Variants in FANCL observed in about 807,000 individuals in gnomAD.
FANCL encodes E3 ubiquitin-protein ligase FANCL.
Under a neutral mutation model 59.4 loss-of-function variants are expected in FANCL, and 69 were observed. That is an observed-to-expected ratio of 1.16 (90% confidence interval 0.96 to 1.42). FANCL has a LOEUF of 1.42. Ranked by LOEUF, FANCL falls within the 40% of genes most tolerant of loss-of-function variation. The pLI is 0.00. For missense variants in FANCL, 519 were observed against 447.2 expected (o/e 1.16, Z -1.45); for synonymous variants, 180 against 147.1 (o/e 1.22, Z -1.62).
chr2:58,226,595 C>A, intron 4 of FANCL, 133 bp downstream of exon 4: 1 of 711,616 alleles, frequency 1.4e-6, no homozygotes, highest in Non-Finnish European at 2.5e-6. Context: ...TTTATGTACA[C>A]AGTAAAAGAA....
chr2:58,240,328 TG>T (rs764374441), intron 1 of FANCL, among the ~76,000 whole-genome samples: 3 of 152,142 alleles, frequency 2.0e-5, no homozygotes, highest in Non-Finnish European at 4.4e-5. Flanking sequence ...CTATGCGTGA[TG>T]GTGGGGAAGT....
Position 58,159,369 on chromosome 2 carries a change from G to A in FANCL, c.*396C>T. The A allele has an allele frequency of 1.2e-6, 2 of 1,608,204 alleles. No individual in the cohort carries two copies. Among genetic ancestry groups the A allele is most frequent in the African/African-American group, 1.3e-5 (1 of 74,456 alleles). Reference sequence around the variant, plus strand: ...CATAGGAAAGCACAAGGAGAAGACAGAAATATCAAGAGTCTCAAGAACCTT... The same window carrying A: ...CATAGGAAAGCACAAGGAGAAGACAAAAATATCAAGAGTCTCAAGAACCTT... On this transcript the variant is annotated 3_prime_UTR_variant, in exon 14 of 14. Coordinates refer to ENST00000233741, the MANE Select transcript of FANCL (RefSeq NM_018062.4).
intron 7 of FANCL, among the ~76,000 whole-genome samples, chr2:58,178,496 A>G (rs892190179): frequency 1.4e-4 from 22 of 152,216 alleles, no homozygotes; most frequent in Non-Finnish European, 1.5e-4. Context: ...GATTATCTCA[A>G]TAGATGCAGA....
intron 4 of FANCL, among the ~76,000 whole-genome samples, chr2:58,222,326 AT>A (rs397871498): frequency 1.3e-5 from 2 of 151,240 alleles, no homozygotes; most frequent in Admixed American, 6.6e-5. Context: ...TAAAAAAAAA[AT>A]TTTTATTAAA....
At chr2:58,217,211 TATATACACAC>T (rs1454236325) in intron 5 of FANCL, among the ~76,000 whole-genome samples, 52 of 9,106 alleles carry the variant, frequency 5.7e-3, no homozygotes, top group East Asian at 0.011. Context: ...TATATATATA[TATATACACAC>T]ACACACACAC....
At chr2:58,194,209 G>GC (rs747757276) in intron 7 of FANCL, 2 of 470,996 alleles carry the variant, frequency 4.2e-6, no homozygotes, top group South Asian at 3.1e-5. Context: ...CACCAAGCCT[G>GC]CACTTAGTGG....
chr2:58,218,242 C>T (rs1407645511), intron 5 of FANCL, among the ~76,000 whole-genome samples: 1 of 151,810 alleles, frequency 6.6e-6, no homozygotes, highest in African/African-American at 2.4e-5. Flanking sequence ...CAATGACCTA[C>T]ATATCCATCT....
At chr2:58,160,706 C>T (rs1374347110) in intron 12 of FANCL, among the ~76,000 whole-genome samples, 1 of 151,928 alleles carries the variant, frequency 6.6e-6, no homozygotes, top group South Asian at 2.1e-4. Flanking sequence ...CAAAAGAAAT[C>T]ACATGTTCCC....
chr2:58,174,039 A>G (rs981632481), intron 7 of FANCL, among the ~76,000 whole-genome samples: 3 of 152,128 alleles, frequency 2.0e-5, no homozygotes, highest in Non-Finnish European at 4.4e-5. Flanking sequence ...AGAGACAAAG[A>G]AGGCCATTAC....
chr2:58,170,780 G>A (rs986916508), intron 7 of FANCL, among the ~76,000 whole-genome samples: 1 of 151,826 alleles, frequency 6.6e-6, no homozygotes, highest in Non-Finnish European at 1.5e-5. Flanking sequence ...ACAAAGAAGG[G>A]CATTACATAA....
intron 3 of FANCL, among the ~76,000 whole-genome samples, chr2:58,227,138 T>C (rs1279923821): frequency 1.3e-5 from 2 of 152,182 alleles, no homozygotes; most frequent in Non-Finnish European, 2.9e-5. Context: ...CCCCGCTGCA[T>C]AAACCTCTAG....
intron 7 of FANCL, among the ~76,000 whole-genome samples, chr2:58,167,865 G>C (rs539474930): frequency 6.6e-6 from 1 of 152,184 alleles, no homozygotes; most frequent in African/African-American, 2.4e-5. Flanking sequence ...TTAGGGGGTA[G>C]ACATCAAAAC....
intron 5 of FANCL, among the ~76,000 whole-genome samples, chr2:58,217,190 A>ATTT: frequency 2.4e-4 from 1 of 4,200 alleles, no homozygotes; most frequent in Non-Finnish European, 4.1e-4. Flanking sequence ...ATATATATAT[A>ATTT]TATATATATA....
At chr2:58,203,774 G>A (rs1043769680) in intron 6 of FANCL, among the ~76,000 whole-genome samples, 1 of 152,046 alleles carries the variant, frequency 6.6e-6, no homozygotes, top group Non-Finnish European at 1.5e-5. Context: ...ACAGCTGAAT[G>A]CAAAAGATTT....
At chr2:58,192,717 A>G (rs921456774) in intron 7 of FANCL, among the ~76,000 whole-genome samples, 1 of 151,986 alleles carries the variant, frequency 6.6e-6, no homozygotes, top group African/African-American at 2.4e-5. Context: ...TTTAGTAGAT[A>G]ATGCCTAAAA....
chr2:58,221,581 A>G (rs1389615780), intron 5 of FANCL, among the ~76,000 whole-genome samples: 2 of 152,210 alleles, frequency 1.3e-5, no homozygotes, highest in African/African-American at 4.8e-5. Context: ...AACCAAAAAT[A>G]ACAATTATTC....
At chr2:58,232,520 G>T (rs977494075) in intron 1 of FANCL, among the ~76,000 whole-genome samples, 2 of 151,660 alleles carry the variant, frequency 1.3e-5, no homozygotes, top group Admixed American at 6.6e-5. Context: ...ATAAAATAAG[G>T]ATATATAACA....
At chr2:58,213,977 C>T (rs1051730696) in intron 5 of FANCL, among the ~76,000 whole-genome samples, 63 of 152,164 alleles carry the variant, frequency 4.1e-4, no homozygotes, top group African/African-American at 1.5e-3. Context: ...TAGGGAGCAT[C>T]ATTCACACAG....
chr2:58,203,534 C>A (rs571280639), intron 6 of FANCL, among the ~76,000 whole-genome samples: 1 of 151,876 alleles, frequency 6.6e-6, no homozygotes, highest in African/African-American at 2.4e-5. Flanking sequence ...CAATTTAGAA[C>A]TAAAAAATAA....
Sources: allele counts gnomAD v4.1 joint callset (sites outside exome capture counted in the v4.1 genomes callset), GRCh38; gene constraint gnomAD v4.1.1; transcripts MANE v1.5; gene names NCBI Gene and HGNC (gene_info 2026-07-23, HGNC 2026-07-21).